METAP1D: variants seen among roughly 807,000 people sequenced by gnomAD.
METAP1D encodes methionyl aminopeptidase type 1D, mitochondrial.
Under a neutral mutation model 40.5 loss-of-function variants are expected in METAP1D, and 31 were observed. That is an observed-to-expected ratio of 0.77 (90% CI 0.58 to 1.03). The LOEUF (loss-of-function observed/expected upper bound fraction) is 1.03, where lower values mean the gene tolerates loss of function less well. Ranked by LOEUF, METAP1D falls within the 50% of genes least tolerant of loss-of-function variation. The pLI, the probability that METAP1D is intolerant of heterozygous loss-of-function variation, is 0.00. For synonymous variants in METAP1D, 151 were observed against 146.4 expected (o/e 1.03, Z -0.22); for missense variants, 411 against 420.7 (o/e 0.98, Z 0.20).
Position 172,080,780 on chromosome 2 carries a change from C to T in METAP1D, c.*374C>T. 3.0e-6 allele frequency: 1 copy of T among 331,346 alleles called. No homozygotes were observed. Among genetic ancestry groups the T allele is most frequent in the Non-Finnish European group, 5.6e-6 (1 of 177,140 alleles). The allele number at this position is 331,346 out of a possible 1,614,324, so 20.5% of individuals were successfully genotyped here. On this transcript the variant is annotated 3_prime_UTR_variant, in exon 10 of 10. Coordinates refer to ENST00000315796, the MANE Select transcript of METAP1D (RefSeq NM_199227.3). ...TCTTAAATCCATTGTATCAGAGGTC[C>T]TTACCTCTCTGACAGTTACAGTGAT...
rs541573173 is a variant in METAP1D at position 172,042,602 on chromosome 2, C to T, written c.41-18896C>T. Among the ~76,000 whole-genome samples the T allele has an allele frequency of 4.5e-5, 2 of 44,280 alleles. 1 individual carries two copies. Among genetic ancestry groups the T allele is most frequent in the African/African-American group, 1.6e-4 (2 of 12,230 alleles). 29.0% of individuals were successfully genotyped at this position (44,280 alleles called of 152,430 possible). ...ATATGTGTGTATGTGTACATGTGCA[C>T]ATATATACATATATGTGTGTATGTG... On this transcript the variant is annotated intron_variant, in intron 1 of 9. Coordinates refer to ENST00000315796, the MANE Select transcript of METAP1D (RefSeq NM_199227.3).
At chr2:172,043,005 ATG>A in intron 1 of METAP1D, among the ~76,000 whole-genome samples, 1 of 99,530 alleles carries the variant, frequency 1.0e-5, no homozygotes, top group Non-Finnish European at 2.7e-5. Context: ...GTACACATAT[ATG>A]TGTATGTGTA....
chr2:172,061,443 G>A, intron 1 of METAP1D, 55 bp from the exon 2 acceptor site: 2 of 1,452,714 alleles, frequency 1.4e-6, no homozygotes, highest in South Asian at 2.7e-5. Flanking sequence ...ATCTTAAAGT[G>A]GAGGACTGTG....
At chr2:172,019,146 G>T (rs1336935305) in intron 1 of METAP1D, among the ~76,000 whole-genome samples, 1 of 152,180 alleles carries the variant, frequency 6.6e-6, no homozygotes, top group Non-Finnish European at 1.5e-5. Context: ...GAGACGAGGA[G>T]TTCAAGACCA....
chr2:172,032,474 A>AT (rs34717478), intron 1 of METAP1D, among the ~76,000 whole-genome samples: 3 of 152,146 alleles, frequency 2.0e-5, no homozygotes, highest in African/African-American at 4.8e-5. Context: ...AAAGCCCTAT[A>AT]TTTTTTAACT....
At chr2:172,039,467 A>G (rs1458593190) in intron 1 of METAP1D, among the ~76,000 whole-genome samples, 2 of 152,168 alleles carry the variant, frequency 1.3e-5, no homozygotes, top group African/African-American at 4.8e-5. Context: ...ACAGTTTCCA[A>G]CATCAAGAAG....
At chr2:172,043,672 A>G (rs1689671194) in intron 1 of METAP1D, among the ~76,000 whole-genome samples, 1 of 135,306 alleles carries the variant, frequency 7.4e-6, no homozygotes, top group Admixed American at 7.3e-5. Flanking sequence ...GTTAAAAAAA[A>G]CCAAGGATAG....
intron 5 of METAP1D, among the ~76,000 whole-genome samples, chr2:172,068,993 A>C (rs1247619727): frequency 6.6e-6 from 1 of 151,690 alleles, no homozygotes; most frequent in Non-Finnish European, 1.5e-5. Context: ...ATCATGGCTT[A>C]CTGTAAGCTT....
chr2:172,023,527 A>T (rs1460975623), intron 1 of METAP1D, among the ~76,000 whole-genome samples: 2 of 152,184 alleles, frequency 1.3e-5, no homozygotes, highest in Non-Finnish European at 2.9e-5. Flanking sequence ...AAGGTTGATA[A>T]TAGTTTGTAT....
chr2:172,014,446 A>T (rs569570902), intron 1 of METAP1D, among the ~76,000 whole-genome samples: 11 of 152,176 alleles, frequency 7.2e-5, no homozygotes, highest in African/African-American at 2.6e-4. Flanking sequence ...AAAGAGATAT[A>T]TACTTAGCAT....
chr2:172,073,190 T>C (rs1449950130), intron 6 of METAP1D, among the ~76,000 whole-genome samples: 1 of 152,182 alleles, frequency 6.6e-6, no homozygotes, highest in African/African-American at 2.4e-5. Context: ...AAGTGGCGGC[T>C]GGGTGCTGAC....
At position 172,004,531 on chromosome 2, in the gene METAP1D, G is replaced by C. The variant is rs144911464; in HGVS notation, c.40+4522G>C. On this transcript the variant is annotated intron_variant, in intron 1 of 9. Transcript: ENST00000315796. ...TAGAGACGGGGGTTTCGCCATGTTG[G>C]CCAGGCTGGTCTCGAACTCCTGACC... 7.0e-4 allele frequency among the ~76,000 whole-genome samples: 106 copies of C among 152,112 alleles called. 2 individuals are homozygous for C. In the East Asian group the frequency reaches 0.014, roughly 20 times the overall value.
chr2:172,010,752 T>G (rs2105378447), intron 1 of METAP1D, among the ~76,000 whole-genome samples: 1 of 149,926 alleles, frequency 6.7e-6, no homozygotes, highest in South Asian at 2.1e-4. Flanking sequence ...CCCAATGTTT[T>G]TTTTTTTTTT....
In METAP1D at chr2:172,061,517, T is replaced by G; in HGVS notation, c.60T>G (p.Ser20=). The G allele has an allele frequency of 6.2e-7, 1 of 1,611,328 alleles. No individual in the cohort carries two copies. The part of the protein sequence containing the change: ...LVRRGSHRIF[S]SPLNHIYLHK... ...TCACAGGTTCTCATAGAATTTTCTC[T>G]TCACCACTCAATCATATCTACTTAC... Residue 20 remains serine (S), a synonymous_variant, in exon 2 of 10, where the codon TCT becomes TCG. Transcript: ENST00000315796.
chr2:172,053,889 A>G (rs1689942444), intron 1 of METAP1D, among the ~76,000 whole-genome samples: 2 of 152,228 alleles, frequency 1.3e-5, no homozygotes, highest in Non-Finnish European at 2.9e-5. Flanking sequence ...TGAAAAATAT[A>G]TGTGTTGGTA....
chr2:172,018,161 CTG>C (rs1243027845), intron 1 of METAP1D, among the ~76,000 whole-genome samples: 4 of 143,896 alleles, frequency 2.8e-5, no homozygotes, highest in African/African-American at 1.0e-4. Context: ...AATTGCAAAA[CTG>C]AAGTAAAATG....
Position 172,024,154 on chromosome 2 carries a change from T to A in METAP1D, c.40+24145T>A, listed in dbSNP as rs1689067517. On this transcript the variant is annotated intron_variant, in intron 1 of 9. Coordinates refer to ENST00000315796, the MANE Select transcript of METAP1D (RefSeq NM_199227.3). ...GATTACAGGCATGAGCCACTGTGCC[T>A]GGCCTCATTGTAAAATTCTTTCAGC... Among the ~76,000 whole-genome samples, 3 of 152,298 alleles carry A rather than the reference T, an allele frequency of 2.0e-5. No homozygotes were observed. The South Asian group carries it at 6.2e-4, about 32-fold the overall frequency.
chr2:172,034,773 A>T (rs1182524182), intron 1 of METAP1D, among the ~76,000 whole-genome samples: 2 of 152,192 alleles, frequency 1.3e-5, no homozygotes, highest in Non-Finnish European at 2.9e-5. Context: ...ATTTTAAAAA[A>T]TTTGCAAATA....
At chr2:172,043,423 A>G (rs1225385139) in intron 1 of METAP1D, among the ~76,000 whole-genome samples, 1 of 132,300 alleles carries the variant, frequency 7.6e-6, no homozygotes, top group Non-Finnish European at 1.8e-5. Context: ...AGCAAAGTCA[A>G]CCCCACTTGG....
Sources: gnomAD v4.1 joint callset for allele counts (sites outside exome capture counted in the v4.1 genomes callset) on GRCh38, gnomAD v4.1.1 for gene constraint, MANE v1.5 for transcripts, NCBI Gene and HGNC (gene_info 2026-07-23, HGNC 2026-07-21) for gene names.